Variants in FAM210A observed in about 807,000 individuals in gnomAD.
FAM210A encodes the protein mitochondrial inner membrane scaffold 1, also known as family with sequence similarity 210 member A.
A neutral mutation model predicts 25.3 loss-of-function variants in FAM210A; 13 were observed. The observed-to-expected ratio is 0.51, with a 90% CI of 0.33 to 0.82. The LOEUF is 0.82. FAM210A is among the 40% of genes least tolerant of loss of function. The probability of loss-of-function intolerance (pLI) is 0.02; values close to 1 mark genes in which losing one functional copy is unlikely to be tolerated. For missense variants in FAM210A, 319 were observed against 323.2 expected, an observed-to-expected ratio of 0.99 and a Z score of 0.10; for synonymous variants, 125 against 118.7, an observed-to-expected ratio of 1.05 and a Z score of -0.35.
At chr18:13,667,769 G>A (rs566313541) in intron 3 of FAM210A, among the ~76,000 whole-genome samples, 4 of 152,270 alleles carry the variant, frequency 2.6e-5, no homozygotes, top group African/African-American at 4.8e-5. Flanking sequence ...AATGGCTCAC[G>A]CCTATAATCC....
intron 1 of FAM210A, among the ~76,000 whole-genome samples, chr18:13,698,761 G>A (rs767760763): frequency 2.6e-5 from 4 of 152,124 alleles, no homozygotes; most frequent in Non-Finnish European, 4.4e-5. Context: ...TGGCCAAACC[G>A]CCAGACCACA....
intron 1 of FAM210A, among the ~76,000 whole-genome samples, chr18:13,698,784 C>A (rs556893969): frequency 6.6e-6 from 1 of 152,144 alleles, no homozygotes; most frequent in African/African-American, 2.4e-5. Context: ...AACATCTTAT[C>A]GATATCCTCC....
rs2043388514 is a variant in FAM210A at position 13,665,032 on chromosome 18, C to T, written c.*1448G>A. 2 of 152,810 alleles carry T rather than the reference C, an allele frequency of 1.3e-5. No individual in the cohort carries two copies. Among genetic ancestry groups the T allele is most frequent in the African/African-American group, 4.8e-5 (2 of 41,434 alleles). The allele number at this position is 152,810 out of a possible 1,614,324, so 9.5% of individuals were successfully genotyped here. A position where few individuals can be genotyped will look rare whatever the true frequency, so the allele number is the denominator to read the frequency against. ...CCGCAACGCTCACAGCTGACAACGG[C>T]TGAATTTCATTACAAGCAAATGATT... On this transcript the variant is annotated 3_prime_UTR_variant, in exon 4 of 4. Transcript: ENST00000651643.
At chr18:13,701,261 G>A (rs1403764611) in intron 1 of FAM210A, among the ~76,000 whole-genome samples, 2 of 152,112 alleles carry the variant, frequency 1.3e-5, no homozygotes, top group Non-Finnish European at 2.9e-5. Context: ...TGTGTTTTGA[G>A]CTCTTGAGTT....
chr18:13,696,637 T>C (rs2043696554), intron 1 of FAM210A, among the ~76,000 whole-genome samples: 1 of 152,158 alleles, frequency 6.6e-6, no homozygotes, highest in African/African-American at 2.4e-5. Context: ...TAGAAGACAG[T>C]GATACTGATG....
chr18:13,687,570 T>C (rs1399878004), intron 1 of FAM210A, among the ~76,000 whole-genome samples: 1 of 152,158 alleles, frequency 6.6e-6, no homozygotes, highest in Non-Finnish European at 1.5e-5. Context: ...AAGCCTCAGA[T>C]GGACGTGCAT....
At chr18:13,701,280 C>A (rs1422042236) in intron 1 of FAM210A, among the ~76,000 whole-genome samples, 1 of 152,062 alleles carries the variant, frequency 6.6e-6, no homozygotes, top group Non-Finnish European at 1.5e-5. Context: ...TTTCTCTGAG[C>A]AAATTTCTGG....
chr18:13,723,696 A>G (rs1011050321), intron 1 of FAM210A, among the ~76,000 whole-genome samples: 11 of 152,382 alleles, frequency 7.2e-5, no homozygotes, highest in Admixed American at 2.6e-4. Context: ...AGCATCAACC[A>G]AACTAGTATC....
intron 2 of FAM210A, among the ~76,000 whole-genome samples, chr18:13,675,019 T>C (rs1228848035): frequency 7.0e-6 from 1 of 141,894 alleles, no homozygotes; most frequent in East Asian, 2.3e-4. Flanking sequence ...TTAACATTCC[T>C]GAGCCCTGGC....
rs754107601 is a variant in FAM210A, at chr18:13,682,115, C to T, written c.-28-10G>A. The T allele has an allele frequency of 6.6e-7, 1 of 1,507,348 alleles. No homozygotes were observed. Among genetic ancestry groups the T allele is most frequent in the Admixed American group, 2.3e-5 (1 of 43,370 alleles). 93.4% of individuals were successfully genotyped at this position (1,507,348 alleles called of 1,614,324 possible). ...TGATAGGTTTCAGCTTCTACAAAGA[C>T]AATTTTTCAAAAAAATTAGGTAATA... On this transcript the variant is annotated splice_polypyrimidine_tract_variant and intron_variant, in intron 1 of 3. Coordinates refer to ENST00000651643, the MANE Select transcript of FAM210A (RefSeq NM_152352.4).
intron 1 of FAM210A, among the ~76,000 whole-genome samples, chr18:13,721,699 T>C (rs757900899): frequency 2.0e-5 from 3 of 152,020 alleles, no homozygotes; most frequent in South Asian, 2.1e-4. Flanking sequence ...AAAGTAACCA[T>C]AGGATGAATA....
At chr18:13,687,301 G>C (rs2043605842) in intron 1 of FAM210A, among the ~76,000 whole-genome samples, 1 of 152,138 alleles carries the variant, frequency 6.6e-6, no homozygotes. Context: ...CCACCCACTA[G>C]AGATGTCAGG....
chr18:13,722,567 C>CA (rs952805736), intron 1 of FAM210A, among the ~76,000 whole-genome samples: 2 of 152,210 alleles, frequency 1.3e-5, no homozygotes, highest in African/African-American at 4.8e-5. Context: ...TCCCCAGCTT[C>CA]ATCAGGATGT....
chr18:13,693,157 A>G (rs1222976377), intron 1 of FAM210A, among the ~76,000 whole-genome samples: 1 of 152,234 alleles, frequency 6.6e-6, no homozygotes, highest in South Asian at 2.1e-4. Context: ...GAAGAAATGG[A>G]TAAATTCCTC....
chr18:13,666,074 A>G lies in FAM210A; in HGVS notation c.*406T>C, dbSNP rs1238998230. ...CGTACTGAATATAGTTAAAATCTTA[A>G]TGAATAACATAAAAATTAAGATCCG... is the stretch of plus-strand genomic sequence containing the variant. On this transcript the variant is annotated 3_prime_UTR_variant, in exon 4 of 4. Coordinates refer to ENST00000651643, the MANE Select transcript of FAM210A (RefSeq NM_152352.4). 5.9e-6 allele frequency: 1 copy of G among 168,444 alleles called. No individual in the cohort carries two copies. The highest frequency in any genetic ancestry group is 1.3e-5 in the Non-Finnish European group (1 of 77,056). 10.4% of individuals were successfully genotyped at this position (168,444 alleles called of 1,614,324 possible). A position where few individuals can be genotyped will look rare whatever the true frequency, so the allele number is the denominator to read the frequency against.
chr18:13,670,341 T>G lies in FAM210A; in HGVS notation c.585+1521A>C, dbSNP rs868743950. ...CCACCATAATTAGAAACTTGATAAT[T>G]TTTAAATTTAATACACTTTAATGTA... is the stretch of plus-strand genomic sequence containing the variant. On this transcript the variant is annotated intron_variant, in intron 3 of 3. Transcript: ENST00000651643. 3.9e-5 allele frequency among the ~76,000 whole-genome samples: 6 copies of G among 152,326 alleles called. No homozygotes were observed. In the South Asian group the frequency reaches 6.2e-4, roughly 16 times the overall value.
At chr18:13,699,414 G>C (rs1223095267) in intron 1 of FAM210A, among the ~76,000 whole-genome samples, 1 of 151,844 alleles carries the variant, frequency 6.6e-6, no homozygotes, top group Non-Finnish European at 1.5e-5. Context: ...GAATTCCTAT[G>C]GAAGTTCATT....
At chr18:13,672,453 G>C (rs1406718248) in intron 2 of FAM210A, among the ~76,000 whole-genome samples, 1 of 152,152 alleles carries the variant, frequency 6.6e-6, no homozygotes, top group East Asian at 1.9e-4. Context: ...TCTGTTGCCA[G>C]GCTGGAGTGC....
At chr18:13,673,154 CCCTGA>C (rs991174375) in intron 2 of FAM210A, among the ~76,000 whole-genome samples, 1 of 150,384 alleles carries the variant, frequency 6.6e-6, no homozygotes, top group Non-Finnish European at 1.5e-5. Context: ...CTTCCTGAGC[CCCTGA>C]CCTATTTCCA....
Sources: allele counts gnomAD v4.1 joint callset (sites outside exome capture counted in the v4.1 genomes callset), GRCh38; gene constraint gnomAD v4.1.1; transcripts MANE v1.5; gene names NCBI Gene and HGNC (gene_info 2026-07-23, HGNC 2026-07-21).